The following TPRA1 variants were observed in gnomAD, a reference collection of about 807,000 sequenced individuals.
TPRA1 encodes the protein transmembrane protein adipocyte associated 1.
TPRA1 carries 28 observed loss-of-function variants against 40.1 expected under a neutral mutation model. That is an observed-to-expected ratio of 0.70 (90% CI 0.52 to 0.96). The LOEUF (loss-of-function observed/expected upper bound fraction) is 0.96. Among genes scored for constraint, TPRA1 ranks in the 40% least tolerant of loss-of-function variants. The probability of loss-of-function intolerance (pLI) is 0.00; values close to 1 mark genes in which losing one functional copy is unlikely to be tolerated. For synonymous variants in TPRA1, 219 were observed against 209.7 expected, an observed-to-expected ratio of 1.04 and a Z score of -0.38; for missense variants, 441 against 482.6, an observed-to-expected ratio of 0.91 and a Z score of 0.81.
intron 3 of TPRA1, 141 bp from the exon 4 acceptor site, chr3:127,577,217 C>T: frequency 2.5e-6 from 2 of 794,456 alleles, no homozygotes; most frequent in Non-Finnish European, 4.2e-6. Flanking sequence ...GGGTGGGACA[C>T]AGGGAGGTGG....
intron 1 of TPRA1, among the ~76,000 whole-genome samples, chr3:127,586,054 A>C (rs2107657263): frequency 6.6e-6 from 1 of 152,294 alleles, no homozygotes; most frequent in African/African-American, 2.4e-5. Flanking sequence ...CGAAGTCAAG[A>C]AGGGTGGCCC....
intron 8 of TPRA1, 97 bp from the exon 9 acceptor site, chr3:127,575,602 G>C: frequency 1.2e-5 from 17 of 1,431,940 alleles, no homozygotes; most frequent in Non-Finnish European, 1.5e-5. Context: ...TGTCCCCCGG[G>C]GCCCCTCTAG....
chr3:127,589,973 A>C lies in TPRA1; in HGVS notation c.-18+437T>G, dbSNP rs374980628. Among the ~76,000 whole-genome samples, 50 of 152,320 alleles carry C rather than the reference A, an allele frequency of 3.3e-4. No individual in the cohort carries two copies. In the East Asian group the frequency reaches 7.0e-3, roughly 21 times the overall value. On this transcript the variant is annotated intron_variant, in intron 1 of 10. Transcript: ENST00000355552. Reference sequence around the variant, plus strand: ...GTCCAGAGGGAGCGGAGGCTTCGACATGGCCCCCTCACGGGGCAGCAAAGC... The same window carrying C: ...GTCCAGAGGGAGCGGAGGCTTCGACCTGGCCCCCTCACGGGGCAGCAAAGC...
At chr3:127,589,911 G>A (rs1433046805) in intron 1 of TPRA1, among the ~76,000 whole-genome samples, 2 of 152,250 alleles carry the variant, frequency 1.3e-5, no homozygotes. Context: ...TCACTGCAGA[G>A]AAGAGGGCAA....
chr3:127,582,003 C>T (rs989876655), intron 1 of TPRA1, among the ~76,000 whole-genome samples: 6 of 152,166 alleles, frequency 3.9e-5, no homozygotes, highest in African/African-American at 1.4e-4. Context: ...AGCAAGGAGC[C>T]GCCCAGTGAG....
chr3:127,576,784 G>C lies in TPRA1; in HGVS notation c.418+37C>G. ...CACAGCCAGGGAGGGGCAGGGGAGA[G>C]CATCGCCAGGGCCCAAGAGCCCAGC... On this transcript the variant is annotated intron_variant, in intron 5 of 10. Coordinates refer to ENST00000355552, the MANE Select transcript of TPRA1 (RefSeq NM_001136053.4). This position sits in a 1 kb window ranked among gnomAD's most constrained non-coding sequence, Gnocchi z 4.6. 1 of 1,613,396 alleles carries C rather than the reference G, an allele frequency of 6.2e-7. No individual in the cohort carries two copies. Among genetic ancestry groups the C allele is most frequent in the Non-Finnish European group, 8.5e-7 (1 of 1,179,724 alleles).
chr3:127,577,037 C>A lies in TPRA1; in HGVS notation c.298G>T (p.Val100Leu). The A allele has an allele frequency of 6.2e-7, 1 of 1,613,680 alleles. No homozygotes were observed. The highest frequency in any genetic ancestry group is 8.5e-7 in the Non-Finnish European group (1 of 1,180,034). Residue 100 changes from valine to leucine, a missense_variant, in exon 4 of 11, where the codon GTA (valine) becomes TTA (leucine). By Grantham distance (32) the Val-to-Leu change is conservative. Transcript: ENST00000355552. ...TTCGAGGTGCTCACCGTCATGGATACCACGGCCCGGGCAATGCCCACCAGC... is the reference window on the plus strand; with the variant it reads ...TTCGAGGTGCTCACCGTCATGGATAACACGGCCCGGGCAATGCCCACCAGC... Reference protein sequence around the residue: ...VALVGIARAVVSMTVSTSNAA... With the variant: ...VALVGIARAVLSMTVSTSNAA...
chr3:127,575,918 G>T (rs2073602127), intron 7 of TPRA1, 22 bp downstream of exon 7: 1 of 1,613,000 alleles, frequency 6.2e-7, no homozygotes, highest in African/African-American at 1.3e-5. Context: ...AGCCACCCCA[G>T]CTGCCCCAGC....
Position 127,571,935 on chromosome 3 carries a change from A to G in TPRA1, c.*1586T>C, listed in dbSNP as rs2073388052. ...CTGACACTGTGCCATCTTGGACTGC[A>G]TGTGGATCTGATGGTCAAATCCCTG... On this transcript the variant is annotated 3_prime_UTR_variant, in exon 11 of 11. Transcript: ENST00000355552. 1 of 152,210 alleles carries G rather than the reference A, an allele frequency of 6.6e-6. No homozygotes were observed. The highest frequency in any genetic ancestry group is 1.9e-4 in the East Asian group (1 of 5,200). The allele number at this position is 152,210 out of a possible 1,614,324, so 9.4% of individuals were successfully genotyped here. A position where few individuals can be genotyped will look rare whatever the true frequency, so the allele number is the denominator to read the frequency against.
intron 1 of TPRA1, among the ~76,000 whole-genome samples, chr3:127,588,369 C>T (rs1283844262): frequency 6.6e-6 from 1 of 152,008 alleles, no homozygotes; most frequent in African/African-American, 2.4e-5. Flanking sequence ...GCTGGCCATA[C>T]CAGGATTGCC....
At position 127,576,867 on chromosome 3, in the gene TPRA1, G is replaced by A. The variant is rs2073652912; in HGVS notation, c.372C>T (p.Phe124=). The change falls in exon 5 of 11, where the codon TTC becomes TTT. Residue 124 remains phenylalanine (F), a synonymous_variant. Coordinates refer to ENST00000355552, the MANE Select transcript of TPRA1 (RefSeq NM_001136053.4). The surrounding 1 kb of genome is among the most constrained non-coding windows in gnomAD (Gnocchi z 4.6). ...DKILWEITRF[F]LLAIELSVII... is the part of the protein sequence containing the mutation. ...TCACACTCAGCTCGATGGCCAGCAG[G>A]AAGAAGCGGGTGATCTCCCACAGGA... 6.2e-7 allele frequency: 1 copy of A among 1,613,850 alleles called. No individual in the cohort carries two copies. Among genetic ancestry groups the A allele is most frequent in the Non-Finnish European group, 8.5e-7 (1 of 1,180,014 alleles).
At position 127,572,057 on chromosome 3, in the gene TPRA1, T is replaced by C. The variant is rs114032039; in HGVS notation, c.*1464A>G. Among the ~76,000 whole-genome samples the C allele has an allele frequency of 3.6e-3, 546 of 152,242 alleles. 3 individuals carry two copies. The highest frequency in any genetic ancestry group is 0.012 in the African/African-American group (508 of 41,546). ...TGAGCTGAGAGGCCCCGATAAAGTA[T>C]GCCATTCAGGGGCACCCTGCAGTAC... On this transcript the variant is annotated 3_prime_UTR_variant, in exon 11 of 11. Coordinates refer to ENST00000355552, the MANE Select transcript of TPRA1 (RefSeq NM_001136053.4).
chr3:127,572,740 T>C lies in TPRA1; in HGVS notation c.*781A>G, dbSNP rs912664646. Among the ~76,000 whole-genome samples the C allele has an allele frequency of 1.3e-5, 2 of 152,236 alleles. No individual in the cohort carries two copies. Among genetic ancestry groups the C allele is most frequent in the African/African-American group, 4.8e-5 (2 of 41,462 alleles). ...TTTACAGATGGCAATAGTAAGTCCA[T>C]TCTGCGTTTTAATGGAGCTGAGCAG... is the stretch of plus-strand genomic sequence containing the variant. On this transcript the variant is annotated 3_prime_UTR_variant, in exon 11 of 11. Transcript: ENST00000355552.
rs772950278 is a variant in TPRA1 at position 127,575,524 on chromosome 3, G to A, written c.671-19C>T. On this transcript the variant is annotated intron_variant, in intron 8 of 10. Transcript: ENST00000355552. ...CTCCGAGCTGGGGGCCGGACAGGGT[G>A]GGTCGTGAGGTCCCACCCTGGACAG... The A allele has an allele frequency of 1.3e-6, 2 of 1,529,866 alleles. No homozygotes were observed. Among genetic ancestry groups the A allele is most frequent in the Non-Finnish European group, 8.8e-7 (1 of 1,140,328 alleles). The allele number at this position is 1,529,866 out of a possible 1,614,324, so 94.8% of individuals were successfully genotyped here. A position where few individuals can be genotyped will look rare whatever the true frequency, so the allele number is the denominator to read the frequency against.
upstream of TPRA1, among the ~76,000 whole-genome samples, chr3:127,592,388 T>G (rs2074192377): frequency 7.0e-6 from 1 of 142,670 alleles, no homozygotes. Context: ...TTTTTTTTTT[T>G]TTTTTTTTGA....
intron 1 of TPRA1, among the ~76,000 whole-genome samples, chr3:127,597,300 G>A (rs1040854121): frequency 6.6e-6 from 1 of 152,152 alleles, no homozygotes. Flanking sequence ...AAGAACCACA[G>A]CAACCTCCTC....
upstream of TPRA1, among the ~76,000 whole-genome samples, chr3:127,592,566 T>C (rs2074196911): frequency 6.6e-6 from 1 of 151,214 alleles, no homozygotes; most frequent in South Asian, 2.1e-4. Flanking sequence ...TTTGTATTTT[T>C]AGTAGAGACG....
intron 1 of TPRA1, among the ~76,000 whole-genome samples, chr3:127,584,004 A>G (rs978079432): frequency 1.3e-5 from 2 of 151,446 alleles, no homozygotes; most frequent in Non-Finnish European, 2.9e-5. Context: ...GACCTTAACT[A>G]GCACCTACTG....
In TPRA1 at chr3:127,576,259, A is replaced by C. The variant is rs550296958; in HGVS notation, c.499-209T>G. Among the ~76,000 whole-genome samples, 29 of 152,256 alleles carry C rather than the reference A, an allele frequency of 1.9e-4. No homozygotes were observed. Among genetic ancestry groups the C allele is most frequent in the African/African-American group, 6.7e-4 (28 of 41,546 alleles). ...CCAGAGCCGGCCCAGTCTTGGGCTG[A>C]GTCACATGGGGAAGGGGGCAGAGAT... On this transcript the variant is annotated intron_variant, in intron 6 of 10. Coordinates refer to ENST00000355552, the MANE Select transcript of TPRA1 (RefSeq NM_001136053.4). This position sits in a 1 kb window ranked among gnomAD's most constrained non-coding sequence, Gnocchi z 4.6.
Sources: gnomAD v4.1 joint callset for allele counts (sites outside exome capture counted in the v4.1 genomes callset) on GRCh38, gnomAD v4.1.1 for gene constraint, Gnocchi (gnomAD v3.1) non-coding constraint, MANE v1.5 for transcripts, NCBI Gene and HGNC (gene_info 2026-07-23, HGNC 2026-07-21) for gene names.